Variants in POLQ observed in about 807,000 individuals in gnomAD.
POLQ encodes DNA polymerase theta, also known as epididymis secretory sperm binding protein.
POLQ carries 233 observed loss-of-function variants against 259.2 expected under a neutral mutation model. The observed-to-expected ratio is 0.90, with a 90% CI of 0.81 to 1.00. The LOEUF (loss-of-function observed/expected upper bound fraction) is 1.00. POLQ is among the 50% of genes least tolerant of loss of function. POLQ has a pLI of 0.00. For missense variants in POLQ, 2,871 were observed against 3,051.6 expected (o/e 0.94, Z 1.39); for synonymous variants, 1,025 against 1,048.8 (o/e 0.98, Z 0.44).
At chr3:121,434,754 C>T (rs918086108) in intron 28 of POLQ, among the ~76,000 whole-genome samples, 2 of 152,164 alleles carry the variant, frequency 1.3e-5, no homozygotes, top group Non-Finnish European at 2.9e-5. Flanking sequence ...CTAGAAATAG[C>T]AAATCTCATC....
At chr3:121,466,576 G>A (rs1193168518) in intron 24 of POLQ, among the ~76,000 whole-genome samples, 2 of 151,616 alleles carry the variant, frequency 1.3e-5, no homozygotes, top group Non-Finnish European at 2.9e-5. Context: ...TGTAATCCCA[G>A]CTACTCGGGA....
chr3:121,481,498 C>T (rs1350418805), intron 19 of POLQ, 74 bp downstream of exon 19: 11 of 1,282,142 alleles, frequency 8.6e-6, no homozygotes, highest in African/African-American at 1.5e-5. Flanking sequence ...TGTAATTTAC[C>T]CATTTTTGAT....
In POLQ at chr3:121,436,215, C is replaced by T; in HGVS notation, c.7450G>A (p.Ala2484Thr). Residue 2484 changes from alanine to threonine, a missense_variant, in exon 28 of 30, where the codon GCC becomes ACC. This residue lies in a region of POLQ where 2,080 missense variants were observed against 2,126.0 expected (regional missense o/e 0.98). Transcript: ENST00000264233. Reference protein sequence around the residue: ...QGSAADIVKIATVNIQKQLET... With the variant: ...QGSAADIVKITTVNIQKQLET... ...AATTGCTTCTGAATGTTAACTGTGGCTATTTTGACAATATCAGCTGCTGAT... is the reference window on the plus strand; with the variant it reads ...AATTGCTTCTGAATGTTAACTGTGGTTATTTTGACAATATCAGCTGCTGAT... The T allele has an allele frequency of 6.2e-7, 1 of 1,613,768 alleles. No homozygotes were observed. The highest frequency in any genetic ancestry group is 1.6e-4 in the Middle Eastern group (1 of 6,062).
chr3:121,469,542 C>T (rs1340167598), intron 22 of POLQ, among the ~76,000 whole-genome samples: 3 of 152,092 alleles, frequency 2.0e-5, no homozygotes, highest in Admixed American at 6.6e-5. Flanking sequence ...TTAATGATAA[C>T]CTTTAACATA....
intron 27 of POLQ, 108 bp from the exon 28 acceptor site, chr3:121,436,383 T>C (rs1248506464): frequency 3.1e-6 from 3 of 979,800 alleles, no homozygotes; most frequent in African/African-American, 1.6e-5. Flanking sequence ...ACTGGAAAGC[T>C]GGACTGAGAT....
Position 121,537,133 on chromosome 3 carries a change from T to G in POLQ, c.707A>C (p.Lys236Thr), listed in dbSNP as rs1205082209. ...RGYLLELLLT[K>T]ICYITRKSAS... Reference sequence around the variant, plus strand: ...TGATTTCCGAGTAATATAGCAAATCTTGGTCAGCAAAAGTTCCAGCAGATA... The same window carrying G: ...TGATTTCCGAGTAATATAGCAAATCGTGGTCAGCAAAAGTTCCAGCAGATA... Residue 236 changes from lysine (K) to threonine (T), a missense_variant, in exon 5 of 30, where the codon AAG becomes ACG. Lys to Thr is a moderately conservative substitution (Grantham distance 78). Around this residue, in one of 3 missense-constraint regions of POLQ, gnomAD observed 783 missense variants for 906.2 expected, o/e 0.86. Coordinates refer to ENST00000264233, the MANE Select transcript of POLQ (RefSeq NM_199420.4). 1 of 1,594,062 alleles carries G rather than the reference T, an allele frequency of 6.3e-7. No homozygotes were observed. Among genetic ancestry groups the G allele is most frequent in the Non-Finnish European group, 8.6e-7 (1 of 1,161,970 alleles).
chr3:121,476,848 T>C, intron 19 of POLQ, 115 bp from the exon 20 acceptor site: 1 of 697,730 alleles, frequency 1.4e-6, no homozygotes, highest in Non-Finnish European at 2.3e-6. Flanking sequence ...TACCAAGGTA[T>C]CCTTCAGGAG....
Position 121,529,688 on chromosome 3 carries a change from A to G in POLQ, c.1065T>C (p.Asp355=). Residue 355 remains aspartate, a synonymous_variant, in exon 7 of 30, where the codon GAT becomes GAC. Coordinates refer to ENST00000264233, the MANE Select transcript of POLQ (RefSeq NM_199420.4). ...PSKKWCEKLA[D]IIAREFYNLH... is the part of the protein sequence containing the mutation. Reference sequence around the variant, plus strand: ...GATTATAAAACTCTCGAGCAATGATATCTGCCAGCTTCTCACACCATTTCT... The same window carrying G: ...GATTATAAAACTCTCGAGCAATGATGTCTGCCAGCTTCTCACACCATTTCT... The G allele has an allele frequency of 6.2e-7, 1 of 1,613,588 alleles. No homozygotes were observed.
rs1363961892 is a variant in POLQ at position 121,483,554 on chromosome 3, A to G, written c.5802T>C (p.Ser1934=). Residue 1934 remains serine, a synonymous_variant, in exon 18 of 30, where the codon TCT becomes TCC. Transcript: ENST00000264233. The part of the protein sequence containing the change: ...SEISASLVPP[S]LDPSLTLKDR... ...CTTTCAAAGTCAGGCTTGGATCTAAAGAAGGTGGAACCAAACTGGCACTAA... is the reference window on the plus strand; with the variant it reads ...CTTTCAAAGTCAGGCTTGGATCTAAGGAAGGTGGAACCAAACTGGCACTAA... The G allele has an allele frequency of 6.4e-7, 1 of 1,556,686 alleles. No homozygotes were observed. The highest frequency in any genetic ancestry group is 1.3e-5 in the South Asian group (1 of 79,250).
At position 121,455,832 on chromosome 3, in the gene POLQ, T is replaced by G. The variant is rs138695264; in HGVS notation, c.7152+4218A>C. ...AAGGAGGAACTGGTACCATTCCTTC[T>G]GAAGCTATTCCAATCAATAGAAAAA... On this transcript the variant is annotated intron_variant, in intron 25 of 29. Coordinates refer to ENST00000264233, the MANE Select transcript of POLQ (RefSeq NM_199420.4). 6.3e-3 allele frequency among the ~76,000 whole-genome samples: 966 copies of G among 152,322 alleles called. 15 individuals are homozygous for G. The highest frequency in any genetic ancestry group is 0.021 in the African/African-American group (875 of 41,558).
intron 1 of POLQ, among the ~76,000 whole-genome samples, 190 bp from the exon 2 acceptor site, chr3:121,545,096 A>G (rs1179669428): frequency 6.6e-6 from 1 of 152,210 alleles, no homozygotes; most frequent in African/African-American, 2.4e-5. Flanking sequence ...ACTGCATATA[A>G]TAAAAATTCC....
Position 121,483,490 on chromosome 3 carries a change from A to T in POLQ, c.5866T>A (p.Ser1956Thr). The T allele has an allele frequency of 6.2e-7, 1 of 1,609,524 alleles. No homozygotes were observed. The highest frequency in any genetic ancestry group is 8.5e-7 in the Non-Finnish European group (1 of 1,178,278). Residue 1956 changes from serine (S) to threonine (T), a missense_variant, in exon 18 of 30, where the codon TCT (serine) becomes ACT (threonine). Transcript: ENST00000264233. ...WYLQSCLRKE[S>T]DKECSVVIYD... ...ATGACAACAGAACATTCTTTATCAG[A>T]TTCCTTTCGCAAGCAAGATTGAAGG... is the stretch of plus-strand genomic sequence containing the variant.
intron 16 of POLQ, 36 bp from the exon 17 acceptor site, chr3:121,485,220 T>C: frequency 7.0e-7 from 1 of 1,419,528 alleles, no homozygotes; most frequent in Non-Finnish European, 9.6e-7. Flanking sequence ...TAAAAATCTC[T>C]AAAAATAAAG....
chr3:121,531,729 G>A (rs2048412956), intron 6 of POLQ, among the ~76,000 whole-genome samples: 1 of 152,160 alleles, frequency 6.6e-6, no homozygotes, highest in African/African-American at 2.4e-5. Flanking sequence ...TCAAAAGGGT[G>A]GAGGCACAGA....
intron 5 of POLQ, among the ~76,000 whole-genome samples, chr3:121,534,942 A>G (rs978220812): frequency 6.6e-6 from 1 of 152,224 alleles, no homozygotes; most frequent in African/African-American, 2.4e-5. Flanking sequence ...ATATGTTAAG[A>G]CTTGCTTTAT....
chr3:121,485,312 T>C lies in POLQ; in HGVS notation c.5630-128A>G, dbSNP rs1054455266. The stretch of plus-strand genomic sequence containing the variant: ...ATTTCCAGATCTTAAAATATGCATT[T>C]GGACAGTCATTTTAAGTATAAGTAA... On this transcript the variant is annotated intron_variant, in intron 16 of 29. Coordinates refer to ENST00000264233, the MANE Select transcript of POLQ (RefSeq NM_199420.4). 11 of 561,572 alleles carry C rather than the reference T, an allele frequency of 2.0e-5. No homozygotes were observed. The Admixed American group carries it at 2.5e-4, about 13-fold the overall frequency. 34.8% of individuals were successfully genotyped at this position (561,572 alleles called of 1,614,324 possible). A position where few individuals can be genotyped will look rare whatever the true frequency, so the allele number is the denominator to read the frequency against.
In POLQ at chr3:121,475,107, C is replaced by T. The variant is rs1199143510; in HGVS notation, c.6405+1433G>A. Among the ~76,000 whole-genome samples, 4 of 152,202 alleles carry T rather than the reference C, an allele frequency of 2.6e-5. No homozygotes were observed. In the East Asian group the frequency reaches 5.8e-4, roughly 22 times the overall value. On this transcript the variant is annotated intron_variant, in intron 20 of 29. Transcript: ENST00000264233. ...CCTTGTGTACAATAAATATTAGAATCGATTCCTCCTGTTTATCTGAAACTT... is the reference window on the plus strand; with the variant it reads ...CCTTGTGTACAATAAATATTAGAATTGATTCCTCCTGTTTATCTGAAACTT...
At chr3:121,511,069 T>C (rs2048251591) in intron 10 of POLQ, among the ~76,000 whole-genome samples, 1 of 151,558 alleles carries the variant, frequency 6.6e-6, no homozygotes, top group Non-Finnish European at 1.5e-5. Context: ...CTACTGAAAA[T>C]ACAAAAATAA....
At chr3:121,506,465 C>T (rs2048210098) in intron 12 of POLQ, among the ~76,000 whole-genome samples, 1 of 152,068 alleles carries the variant, frequency 6.6e-6, no homozygotes, top group African/African-American at 2.4e-5. Context: ...CTTTTTGTTT[C>T]TATAGACTGC....
Sources: allele counts gnomAD v4.1 joint callset (sites outside exome capture counted in the v4.1 genomes callset), GRCh38; gene constraint gnomAD v4.1.1; regional missense constraint gnomAD v4.1.1; transcripts MANE v1.5; gene names NCBI Gene and HGNC (gene_info 2026-07-23, HGNC 2026-07-21).